Variants in UGT2B4 observed in about 807,000 individuals in gnomAD.
UGT2B4 encodes UDP glucuronosyltransferase family 2 member B4, also known as UDP-glucuronosyltransferase 2B4.
A neutral mutation model predicts 49.8 loss-of-function variants in UGT2B4; 49 were observed. The ratio of observed to expected loss-of-function variants is 0.98; its 90% CI spans 0.78 to 1.25. The LOEUF is 1.25. Among genes scored for constraint, UGT2B4 ranks in the 50% most tolerant of loss-of-function variants. The pLI is 0.00. For missense variants in UGT2B4, 729 were observed against 627.7 expected (o/e 1.16, Z -1.73); for synonymous variants, 246 against 217.7 (o/e 1.13, Z -1.14).
Position 69,495,778 on chromosome 4 carries a change from C to A in UGT2B4, c.84G>T (p.Val28=). 2.5e-6 allele frequency: 4 copies of A among 1,613,934 alleles called. No homozygotes were observed. Among genetic ancestry groups the A allele is most frequent in the Non-Finnish European group, 3.4e-6 (4 of 1,179,904 alleles). The part of the protein sequence containing the change: ...FSSGSCGKVL[V]WPTEFSHWMN... The stretch of plus-strand genomic sequence containing the variant: ...TCCAGTGGCTGAATTCTGTGGGCCA[C>A]ACCAGCACCTTTCCACAACTCCCAG... Residue 28 remains valine, a synonymous_variant, in exon 1 of 6, where the codon GTG becomes GTT. Coordinates refer to ENST00000305107, the MANE Select transcript of UGT2B4 (RefSeq NM_021139.3).
chr4:69,508,478 A>G (rs1207931612), intron 1 of UGT2B4, among the ~76,000 whole-genome samples: 1 of 152,232 alleles, frequency 6.6e-6, no homozygotes, highest in Non-Finnish European at 1.5e-5. Flanking sequence ...TAGACTGGAT[A>G]AAGAATATGT....
In UGT2B4 at chr4:69,495,608, T is replaced by C; in HGVS notation, c.254A>G (p.Glu85Gly). The C allele has an allele frequency of 6.2e-7, 1 of 1,613,968 alleles. No individual in the cohort carries two copies. Among genetic ancestry groups the C allele is most frequent in the Non-Finnish European group, 8.5e-7 (1 of 1,179,970 alleles). The stretch of plus-strand genomic sequence containing the variant: ...CAGCTGCTTGATAATATCCTCAAAC[T>C]CAGTTTTAGTTAAAGATACAGGATA... ...EVYPVSLTKT[E>G]FEDIIKQLVK... is the part of the protein sequence containing the mutation. Residue 85 changes from glutamate to glycine, a missense_variant, in exon 1 of 6, where the codon GAG (glutamate) becomes GGG (glycine). Transcript: ENST00000305107.
chr4:69,512,270 A>G (rs532760761), intron 1 of UGT2B4, among the ~76,000 whole-genome samples: 1 of 151,806 alleles, frequency 6.6e-6, no homozygotes, highest in South Asian at 2.1e-4. Flanking sequence ...TTTTTAATAT[A>G]GTTGTGACTA....
At chr4:69,483,616 A>G (rs145142795) in intron 5 of UGT2B4, among the ~76,000 whole-genome samples, 52 of 152,164 alleles carry the variant, frequency 3.4e-4, no homozygotes, top group African/African-American at 1.3e-3. Flanking sequence ...AGGTAGCTTT[A>G]TCATTCATTA....
chr4:69,516,795 A>T (rs1728745472), intron 1 of UGT2B4, among the ~76,000 whole-genome samples: 1 of 151,562 alleles, frequency 6.6e-6, no homozygotes, highest in South Asian at 2.1e-4. Context: ...TTTAGTAGAG[A>T]TGGGATTTTG....
At chr4:69,491,658 T>A (rs192358345) in intron 2 of UGT2B4, among the ~76,000 whole-genome samples, 1 of 152,150 alleles carries the variant, frequency 6.6e-6, no homozygotes. Flanking sequence ...CAACAGCTAG[T>A]ATTAGTAATT....
At chr4:69,487,427 G>C (rs1727826286) in intron 3 of UGT2B4, among the ~76,000 whole-genome samples, 1 of 152,074 alleles carries the variant, frequency 6.6e-6, no homozygotes, top group African/African-American at 2.4e-5. Flanking sequence ...AAAAGAACAA[G>C]ATCATGTATT....
At chr4:69,523,991 C>T (rs748326459) in intron 1 of UGT2B4, among the ~76,000 whole-genome samples, 2 of 152,088 alleles carry the variant, frequency 1.3e-5, no homozygotes, top group South Asian at 2.1e-4. Context: ...GCAGCTTCCT[C>T]AACATATTTC....
At chr4:69,496,398 T>A (rs892057521), upstream of UGT2B4, among the ~76,000 whole-genome samples, 1 of 152,172 alleles carries the variant, frequency 6.6e-6, no homozygotes, top group Non-Finnish European at 1.5e-5. Context: ...TCATGTAATA[T>A]ATTTCAGAAT....
chr4:69,518,319 C>T (rs961729276), intron 1 of UGT2B4: 2 of 152,102 alleles, frequency 1.3e-5, no homozygotes, highest in Non-Finnish European at 2.9e-5. Context: ...CAGTGCTGCC[C>T]CAGTACCTTC....
exon 1 of UGT2B4, chr4:69,525,912 TA>T (rs914567923): frequency 3.3e-5 from 7 of 214,932 alleles, no homozygotes; most frequent in Non-Finnish European, 6.5e-5. Context: ...CCATCCTGGC[TA>T]ACACGGTGAA....
rs41299978 is a variant in UGT2B4, at chr4:69,495,624, A to T, written c.238T>A (p.Ser80Thr). 1.9e-6 allele frequency: 3 copies of T among 1,614,002 alleles called. No individual in the cohort carries two copies. Among genetic ancestry groups the T allele is most frequent in the African/African-American group, 2.7e-5 (2 of 75,054 alleles). The change falls in exon 1 of 6, where the codon TCT becomes ACT. Residue 80 changes from serine to threonine, a missense_variant. Ser to Thr is a moderately conservative substitution (Grantham distance 58). Transcript: ENST00000305107. ...STLKFEVYPVSLTKTEFEDII... is the reference protein window; with the variant it reads ...STLKFEVYPVTLTKTEFEDII... ...TCCTCAAACTCAGTTTTAGTTAAAG[A>T]TACAGGATAAACTTCAAATTTAAGA...
intron 3 of UGT2B4, 141 bp from the exon 4 acceptor site, chr4:69,486,837 T>C: frequency 2.0e-6 from 1 of 501,456 alleles, no homozygotes; most frequent in Non-Finnish European, 3.5e-6. Flanking sequence ...AATAGAATAC[T>C]CATATTTCAT....
rs1391652864 is a variant in UGT2B4 at position 69,486,656 on chromosome 4, C to A, written c.1043G>T (p.Gly348Val). ...CCACTTGTACAGCCGAGTATTGAGT[C>A]CTAAAGTATCTGGTTTATTCCCATC... ...RFDGNKPDTL[G>V]LNTRLYKWIP... is the part of the protein sequence containing the mutation. The change falls in exon 4 of 6, where the codon GGA becomes GTA. Residue 348 changes from glycine to valine, a missense_variant. Gly to Val is a moderately radical substitution (Grantham distance 109, BLOSUM62 -3). Coordinates refer to ENST00000305107, the MANE Select transcript of UGT2B4 (RefSeq NM_021139.3). The A allele has an allele frequency of 6.2e-7, 1 of 1,608,674 alleles. No homozygotes were observed.
intron 1 of UGT2B4, among the ~76,000 whole-genome samples, chr4:69,515,047 G>T (rs1170030217): frequency 2.0e-5 from 3 of 152,128 alleles, no homozygotes; most frequent in African/African-American, 7.2e-5. Flanking sequence ...CCTACAGAGA[G>T]TCTTAGATTC....
intron 1 of UGT2B4, among the ~76,000 whole-genome samples, chr4:69,502,149 CTCT>C (rs1560439162): frequency 4.2e-4 from 27 of 64,124 alleles, no homozygotes; most frequent in African/African-American, 6.2e-4. Context: ...TTCTTTCTTT[CTCT>C]TTCTTTCTTT....
At chr4:69,489,338 C>A (rs2109808455) in intron 3 of UGT2B4, 101 bp downstream of exon 3, 1 of 1,483,006 alleles carries the variant, frequency 6.7e-7, no homozygotes, top group Admixed American at 2.0e-5. Flanking sequence ...GCTTTCCCAA[C>A]AGCTGAATAT....
chr4:69,516,492 C>A (rs776705717), intron 1 of UGT2B4, among the ~76,000 whole-genome samples: 3 of 152,164 alleles, frequency 2.0e-5, no homozygotes, highest in Non-Finnish European at 4.4e-5. Flanking sequence ...TTGCCAGCAA[C>A]TGTTGTTTTT....
chr4:69,485,969 C>T (rs1391749886), intron 4 of UGT2B4, among the ~76,000 whole-genome samples: 1 of 152,056 alleles, frequency 6.6e-6, no homozygotes, highest in African/African-American at 2.4e-5. Context: ...CCATGTTGCC[C>T]AGGATGGTCT....
Sources: gnomAD v4.1 joint callset for allele counts (sites outside exome capture counted in the v4.1 genomes callset) on GRCh38, gnomAD v4.1.1 for gene constraint, MANE v1.5 for transcripts, NCBI Gene and HGNC (gene_info 2026-07-23, HGNC 2026-07-21) for gene names.